FEZF1: variants seen among roughly 807,000 people sequenced by gnomAD.
The protein encoded by FEZF1 is FEZ family zinc finger 1, also known as fez family zinc finger protein 1.
In FEZF1, 8 loss-of-function variants were observed where a neutral mutation model predicts 32.4. The ratio of observed to expected loss-of-function variants is 0.25; its 90% confidence interval spans 0.15 to 0.45. FEZF1 has a LOEUF of 0.45. Among genes scored for constraint, FEZF1 ranks in the 20% least tolerant of loss-of-function variants. The pLI is 1.00. For synonymous variants in FEZF1, 259 were observed against 265.2 expected, an observed-to-expected ratio of 0.98 and a Z score of 0.23; for missense variants, 546 against 622.3, an observed-to-expected ratio of 0.88 and a Z score of 1.31.
In FEZF1 at chr7:122,302,428, G is replaced by C; in HGVS notation, c.1070-73C>G. The C allele has an allele frequency of 1.3e-6, 2 of 1,588,234 alleles. No homozygotes were observed. Among genetic ancestry groups the C allele is most frequent in the Non-Finnish European group, 1.7e-6 (2 of 1,171,238 alleles). Reference sequence around the variant, plus strand: ...TTAAAAAGGGAGGAGCAGACACGTGGAAGGTAGCGCCAGGCAAGCAGAAGA... The same window carrying C: ...TTAAAAAGGGAGGAGCAGACACGTGCAAGGTAGCGCCAGGCAAGCAGAAGA... On this transcript the variant is annotated intron_variant, in intron 3 of 3. Coordinates refer to ENST00000442488, the MANE Select transcript of FEZF1 (RefSeq NM_001024613.4). The surrounding 1 kb of genome is among the most constrained non-coding windows in gnomAD (Gnocchi z 4.4).
At chr7:122,305,448 C>A (rs899636166), upstream of FEZF1, 1 of 152,178 alleles carries the variant, frequency 6.6e-6, no homozygotes, top group African/African-American at 2.4e-5. Flanking sequence ...AAAGGCAATG[C>A]CCGCGGCAAT....
upstream of FEZF1, chr7:122,304,791 C>CT (rs11440532): frequency 0.54 from 95,569 of 175,528 alleles, 25,593 homozygotes; most frequent in Non-Finnish European, 0.56. Context: ...AACAGGAAAA[C>CT]TTTTTTTTTT....
upstream of FEZF1, chr7:122,308,508 C>T (rs762397192): frequency 5.3e-5 from 8 of 152,104 alleles, no homozygotes; most frequent in Non-Finnish European, 2.9e-5. Flanking sequence ...AAGTCCCTAT[C>T]ATAAGCAAAT....
rs527682941 is a variant in FEZF1, at chr7:122,303,118, C to G, written c.936+59G>C. ...ATCCTAAAGAGTAAGGTTTTATCGG[C>G]TGTTTTTCTGCAAACAGTTCGGAAG... On this transcript the variant is annotated intron_variant, in intron 2 of 3. Transcript: ENST00000442488. The G allele has an allele frequency of 7.5e-6, 12 of 1,609,738 alleles. No homozygotes were observed. The East Asian group carries it at 2.7e-4, about 36-fold the overall frequency.
Position 122,301,534 on chromosome 7 carries a change from G to A in FEZF1, c.*463C>T, listed in dbSNP as rs1219789166. The A allele has an allele frequency of 6.4e-6, 1 of 155,508 alleles. No homozygotes were observed. Among genetic ancestry groups the A allele is most frequent in the African/African-American group, 2.4e-5 (1 of 41,430 alleles). 9.6% of individuals were successfully genotyped at this position (155,508 alleles called of 1,614,324 possible). On this transcript the variant is annotated 3_prime_UTR_variant, in exon 4 of 4. Coordinates refer to ENST00000442488, the MANE Select transcript of FEZF1 (RefSeq NM_001024613.4). ...TTGTTACTTCAGGGAAAGAGGAAAT[G>A]ATCAACATCCAGCAGACATCTTGAG...
At chr7:122,309,437 A>C (rs1237135548), upstream of FEZF1, 1 of 152,214 alleles carries the variant, frequency 6.6e-6, no homozygotes, top group Non-Finnish European at 1.5e-5. Context: ...CAGCATTTAC[A>C]TAGCAAATCA....
rs775046683 is a variant in FEZF1, at chr7:122,302,926, T to C, written c.942A>G (p.Lys314=). ...CRHKIIHTQE[K]PHKCNQCGKA... ...TGCCACACTGGTTACATTTGTGAGG[T>C]TTTTCCTAAGCAGGAGAAAGGAAAA... Residue 314 remains lysine, a synonymous_variant, in exon 3 of 4, where the codon AAA becomes AAG. Transcript: ENST00000442488. This position sits in a 1 kb window ranked among gnomAD's most constrained non-coding sequence, Gnocchi z 4.4. 3.1e-6 allele frequency: 5 copies of C among 1,606,020 alleles called. No individual in the cohort carries two copies. In the Admixed American group the frequency reaches 5.1e-5, roughly 16 times the overall value.
Position 122,304,318 on chromosome 7 carries a change from G to T in FEZF1, c.120C>A (p.Thr40=), listed in dbSNP as rs1309640015. ...GGACTGGCAGGGCCTTGGGCTCTGG[G>T]GTGCGCGCCATGATTCGTTCAATGG... The part of the protein sequence containing the change: ...AFSIERIMAR[T]PEPKALPVPH... The change falls in exon 1 of 4, where the codon ACC becomes ACA. Residue 40 remains threonine (T), a synonymous_variant. Coordinates refer to ENST00000442488, the MANE Select transcript of FEZF1 (RefSeq NM_001024613.4). 1.2e-6 allele frequency: 2 copies of T among 1,613,274 alleles called. No homozygotes were observed. Among genetic ancestry groups the T allele is most frequent in the Non-Finnish European group, 1.7e-6 (2 of 1,179,524 alleles).
Position 122,304,288 on chromosome 7 carries a change from G to T in FEZF1, c.150C>A (p.His50Gln). The change falls in exon 1 of 4, where the codon CAC becomes CAA. Residue 50 changes from histidine to glutamine, a missense_variant. This residue lies in a region of FEZF1 where 345 missense variants were observed against 360.6 expected (regional missense o/e 0.96). Coordinates refer to ENST00000442488, the MANE Select transcript of FEZF1 (RefSeq NM_001024613.4). ...CCTTGGGTAAGGCTCCCTGCAGGAA[G>T]TGGGGGACTGGCAGGGCCTTGGGCT... ...TPEPKALPVP[H>Q]FLQGALPKGE... is the part of the protein sequence containing the mutation. 1.2e-6 allele frequency: 2 copies of T among 1,612,424 alleles called. No homozygotes were observed. Among genetic ancestry groups the T allele is most frequent in the Non-Finnish European group, 1.7e-6 (2 of 1,179,060 alleles).
chr7:122,305,363 G>A (rs543836944), upstream of FEZF1: 20 of 152,378 alleles, frequency 1.3e-4, no homozygotes, highest in African/African-American at 4.8e-4. Context: ...AGAAGACGCC[G>A]GCAGGTAACT....
Position 122,303,663 on chromosome 7 carries a change from C to T in FEZF1, c.775G>A (p.Val259Ile). 3 of 1,613,988 alleles carry T rather than the reference C, an allele frequency of 1.9e-6. No homozygotes were observed. Among genetic ancestry groups the T allele is most frequent in the Non-Finnish European group, 2.5e-6 (3 of 1,179,992 alleles). ...TTTCCACACACTTCGCAAGTGAAAA[C>T]TTTGGGCTTGGCATTAGGAGAGCCT... ...SRGSPNAKPK[V>I]FTCEVCGKVF... The change falls in exon 1 of 4, where the codon GTT (valine) becomes ATT (isoleucine). Residue 259 changes from valine to isoleucine, a missense_variant. Physicochemically the swap from Val to Ile is conservative, Grantham distance 29 (BLOSUM62 3). Transcript: ENST00000442488.
intron 1 of FEZF1, 141 bp from the exon 2 acceptor site, chr7:122,303,452 A>G (rs1379275124): frequency 2.8e-6 from 3 of 1,059,322 alleles, no homozygotes; most frequent in Non-Finnish European, 4.0e-6. Context: ...AAAGGGAGGA[A>G]GGAAAGGAGG....
chr7:122,303,524 A>AGGAGGGAAGGAAGGAG, intron 1 of FEZF1, 113 bp downstream of exon 1: 4 of 433,208 alleles, frequency 9.2e-6, no homozygotes, highest in Non-Finnish European at 1.2e-5. Context: ...GAAGGAAGGA[A>AGGAGGGAAGGAAGGAG]GGAAGGAAGG....
At position 122,301,527 on chromosome 7, in the gene FEZF1, A is replaced by C. The variant is rs1343006703; in HGVS notation, c.*470T>G. On this transcript the variant is annotated 3_prime_UTR_variant, in exon 4 of 4. Transcript: ENST00000442488. Reference sequence around the variant, plus strand: ...CAGTGTTTTGTTACTTCAGGGAAAGAGGAAATGATCAACATCCAGCAGACA... The same window carrying C: ...CAGTGTTTTGTTACTTCAGGGAAAGCGGAAATGATCAACATCCAGCAGACA... 1 of 155,536 alleles carries C rather than the reference A, an allele frequency of 6.4e-6. No homozygotes were observed. Among genetic ancestry groups the C allele is most frequent in the African/African-American group, 2.4e-5 (1 of 41,504 alleles). The allele number at this position is 155,536 out of a possible 1,614,324, so 9.6% of individuals were successfully genotyped here. A position where few individuals can be genotyped will look rare whatever the true frequency, so the allele number is the denominator to read the frequency against.
Position 122,302,941 on chromosome 7 carries a change from A to C in FEZF1, c.937-10T>G, listed in dbSNP as rs369157481. ...ATTTGTGAGGTTTTTCCTAAGCAGG[A>C]GAAAGGAAAAGCAGAGACATTTAGA... On this transcript the variant is annotated splice_polypyrimidine_tract_variant and intron_variant, in intron 2 of 3. Coordinates refer to ENST00000442488, the MANE Select transcript of FEZF1 (RefSeq NM_001024613.4). The surrounding 1 kb of genome is among the most constrained non-coding windows in gnomAD (Gnocchi z 4.4). The C allele has an allele frequency of 4.0e-4, 642 of 1,598,760 alleles. 1 individual carries two copies. The African/African-American group carries it at 7.8e-3, about 19-fold the overall frequency.
chr7:122,301,904 T>C lies in FEZF1; in HGVS notation c.*93A>G. On this transcript the variant is annotated 3_prime_UTR_variant, in exon 4 of 4. Coordinates refer to ENST00000442488, the MANE Select transcript of FEZF1 (RefSeq NM_001024613.4). ...CTGAAGTGTGGGGCCCAACATGCCCTGGGGTCTGCAGACGAACTCGGACCA... is the reference window on the plus strand; with the variant it reads ...CTGAAGTGTGGGGCCCAACATGCCCCGGGGTCTGCAGACGAACTCGGACCA... 6.0e-6 allele frequency: 9 copies of C among 1,503,246 alleles called. No homozygotes were observed. In the South Asian group the frequency reaches 1.1e-4, roughly 18 times the overall value. 93.1% of individuals were successfully genotyped at this position (1,503,246 alleles called of 1,614,324 possible). A position where few individuals can be genotyped will look rare whatever the true frequency, so the allele number is the denominator to read the frequency against.
chr7:122,303,886 G>A lies in FEZF1; in HGVS notation c.552C>T (p.Tyr184=), dbSNP rs1054042595. 1.9e-6 allele frequency: 3 copies of A among 1,614,018 alleles called. No individual in the cohort carries two copies. Among genetic ancestry groups the A allele is most frequent in the African/African-American group, 2.7e-5 (2 of 74,950 alleles). ...AGVNIHPVAS[Y]FLSSPLHPQP... ...GCGGGTGCAAAGGGGAACTGAGGAA[G>A]TAGGAGGCCACCGGGTGGATGTTCA... The change falls in exon 1 of 4, where the codon TAC becomes TAT. Residue 184 remains tyrosine (Y), a synonymous_variant. Transcript: ENST00000442488.
At position 122,302,719 on chromosome 7, in the gene FEZF1, C is replaced by T. The variant is rs200339591; in HGVS notation, c.1069+80G>A. 206 of 1,488,874 alleles carry T rather than the reference C, an allele frequency of 1.4e-4. 1 individual carries two copies. The East Asian group carries it at 4.3e-3, about 31-fold the overall frequency. 92.2% of individuals were successfully genotyped at this position (1,488,874 alleles called of 1,614,324 possible). A position where few individuals can be genotyped will look rare whatever the true frequency, so the allele number is the denominator to read the frequency against. ...TGCCACATAACTACACTTTAAACAT[C>T]GTCTTCTAAAACATCCCGAAAGTAT... On this transcript the variant is annotated intron_variant, in intron 3 of 3. Transcript: ENST00000442488. This position sits in a 1 kb window ranked among gnomAD's most constrained non-coding sequence, Gnocchi z 4.4.
chr7:122,303,982 A>G lies in FEZF1; in HGVS notation c.456T>C (p.Ser152=), dbSNP rs2150615637. The part of the protein sequence containing the change: ...KLVRPRVVNH[S]SFHAMGALCY... ...ACAAGGCGCCCATGGCGTGGAATGA[A>G]GAGTGGTTGACCACACGCGGCCTTA... Residue 152 remains serine, a synonymous_variant, in exon 1 of 4, where the codon TCT becomes TCC. Coordinates refer to ENST00000442488, the MANE Select transcript of FEZF1 (RefSeq NM_001024613.4). 6.3e-7 allele frequency: 1 copy of G among 1,583,572 alleles called. No individual in the cohort carries two copies. The highest frequency in any genetic ancestry group is 1.7e-4 in the Middle Eastern group (1 of 6,028).
Sources: gnomAD v4.1 joint callset for allele counts on GRCh38, gnomAD v4.1.1 for gene constraint, gnomAD v4.1.1 regional missense constraint, Gnocchi (gnomAD v3.1) non-coding constraint, MANE v1.5 for transcripts, NCBI Gene and HGNC (gene_info 2026-07-23, HGNC 2026-07-21) for gene names.